Variants in ITPKC observed in about 807,000 individuals in gnomAD.
ITPKC encodes IP3 3-kinase C.
In ITPKC, 33 loss-of-function variants were observed where a neutral mutation model predicts 67.1. The ratio of observed to expected loss-of-function variants is 0.49; its 90% CI spans 0.37 to 0.66. The LOEUF (loss-of-function observed/expected upper bound fraction) is 0.66, where lower values mean the gene tolerates loss of function less well. ITPKC is among the 30% of genes least tolerant of loss of function. The pLI is 0.00. For synonymous variants in ITPKC, 341 were observed against 359.8 expected (o/e 0.95, Z 0.59); for missense variants, 820 against 892.1 (o/e 0.92, Z 1.03).
At chr19:40,721,630 A>G (rs933053644) in intron 1 of ITPKC, among the ~76,000 whole-genome samples, 14 of 151,880 alleles carry the variant, frequency 9.2e-5, no homozygotes, top group African/African-American at 3.1e-4. Flanking sequence ...CAGCCTCCCA[A>G]AGTGCTGGGA....
At chr19:40,725,003 G>A (rs1174230451) in intron 1 of ITPKC, among the ~76,000 whole-genome samples, 1 of 151,764 alleles carries the variant, frequency 6.6e-6, no homozygotes, top group African/African-American at 2.4e-5. Flanking sequence ...AAGATGTAAG[G>A]GTTGTTTGTT....
intron 1 of ITPKC, among the ~76,000 whole-genome samples, chr19:40,718,865 C>T (rs1431881651): frequency 6.6e-6 from 1 of 152,172 alleles, no homozygotes; most frequent in Non-Finnish European, 1.5e-5. Flanking sequence ...CCAAAGGATC[C>T]TTGGCCTAGC....
intron 6 of ITPKC, among the ~76,000 whole-genome samples, chr19:40,739,105 C>T (rs1458946219): frequency 6.6e-6 from 1 of 152,182 alleles, no homozygotes; most frequent in African/African-American, 2.4e-5. Context: ...GTAACTAAAA[C>T]CAAAGAAAAT....
chr19:40,725,104 CAG>C (rs1338021233), intron 1 of ITPKC, among the ~76,000 whole-genome samples: 2 of 152,110 alleles, frequency 1.3e-5, no homozygotes, highest in African/African-American at 2.4e-5. Context: ...AAAGTGATGA[CAG>C]AGGGGAGAAA....
chr19:40,720,532 A>G (rs114888793), intron 1 of ITPKC, among the ~76,000 whole-genome samples: 1,370 of 109,534 alleles, frequency 0.013, 20 homozygotes, highest in African/African-American at 0.043. Flanking sequence ...TCTGTTCCTA[A>G]CTTGTCTCCC....
intron 3 of ITPKC, among the ~76,000 whole-genome samples, chr19:40,732,429 C>T (rs1391900786): frequency 2.0e-5 from 3 of 146,754 alleles, no homozygotes; most frequent in Non-Finnish European, 3.0e-5. Flanking sequence ...ACTCAGGAGG[C>T]TGAGGCAGGA....
chr19:40,738,427 T>TCAA (rs534034440), intron 6 of ITPKC, among the ~76,000 whole-genome samples: 1,867 of 151,648 alleles, frequency 0.012, 33 homozygotes, highest in African/African-American at 0.036. Context: ...AGACTCTGTC[T>TCAA]CAACAACAAC....
Position 40,729,233 on chromosome 19 carries a change from T to C in ITPKC, c.1287T>C (p.Ile429=). The C allele has an allele frequency of 6.2e-7, 1 of 1,614,088 alleles. No homozygotes were observed. The highest frequency in any genetic ancestry group is 1.6e-4 in the Middle Eastern group (1 of 6,062). ...TCCAGGCAGGAGAGGATGGTCGGAT[T>C]CTGAAACGTTTCTGTCAGTGTGAGC... ...GNFQAGEDGR[I]LKRFCQCEQR... is the part of the protein sequence containing the mutation. The change falls in exon 3 of 7, where the codon ATT becomes ATC. Residue 429 remains isoleucine, a synonymous_variant. Transcript: ENST00000263370.
chr19:40,717,705 C>G lies in ITPKC; in HGVS notation c.570C>G (p.Ser190=), dbSNP rs763173275. ...AGACTCAGCCAGAGAGGGTCAAGTC[C>G]TGGGCTGATAACCTCTGGACCCACC... ...GSQTQPERVK[S]WADNLWTHQN... The change falls in exon 1 of 7, where the codon TCC becomes TCG. Residue 190 remains serine, a synonymous_variant. Coordinates refer to ENST00000263370, the MANE Select transcript of ITPKC (RefSeq NM_025194.3). 1.9e-6 allele frequency: 3 copies of G among 1,614,046 alleles called. No individual in the cohort carries two copies. In the Admixed American group the frequency reaches 5.0e-5, roughly 27 times the overall value.
chr19:40,731,683 C>T (rs1346606575), intron 3 of ITPKC, among the ~76,000 whole-genome samples: 1 of 148,926 alleles, frequency 6.7e-6, no homozygotes, highest in Non-Finnish European at 1.5e-5. Flanking sequence ...CCGCCTTGGC[C>T]TCCCAAAGTG....
rs751598267 is a variant in ITPKC at position 40,717,756 on chromosome 19, C to T, written c.621C>T (p.His207=). Residue 207 remains histidine, a synonymous_variant, in exon 1 of 7, where the codon CAC becomes CAT. Coordinates refer to ENST00000263370, the MANE Select transcript of ITPKC (RefSeq NM_025194.3). ...AGAACAGTTCCAGCCTCCAGACTCACCCAGAAGGAGCCTGTCCCTCAAAAG... is the reference window on the plus strand; with the variant it reads ...AGAACAGTTCCAGCCTCCAGACTCATCCAGAAGGAGCCTGTCCCTCAAAAG... ...THQNSSSLQT[H]PEGACPSKEP... is the part of the protein sequence containing the mutation. The T allele has an allele frequency of 5.0e-6, 8 of 1,613,774 alleles. No individual in the cohort carries two copies. The African/African-American group carries it at 1.1e-4, about 22-fold the overall frequency.
chr19:40,724,524 C>CT (rs1384311594), intron 1 of ITPKC, among the ~76,000 whole-genome samples: 1 of 152,138 alleles, frequency 6.6e-6, no homozygotes, highest in Admixed American at 6.6e-5. Flanking sequence ...CTCTGTCTCT[C>CT]TGTCATCACT....
rs1393009306 is a variant in ITPKC, at chr19:40,717,842, A to G, written c.707A>G (p.Asp236Gly). The G allele has an allele frequency of 1.2e-6, 2 of 1,614,038 alleles. No homozygotes were observed. The highest frequency in any genetic ancestry group is 2.2e-5 in the East Asian group (1 of 44,870). Reference protein sequence around the residue: ...LYTDGSRTQQDIEGPWTEPYT... With the variant: ...LYTDGSRTQQGIEGPWTEPYT... ...ACTGATGGCTCCAGGACACAACAGG[A>G]TATTGAAGGTCCCTGGACAGAGCCA... Residue 236 changes from aspartate to glycine, a missense_variant, in exon 1 of 7, where the codon GAT (aspartate) becomes GGT (glycine). Coordinates refer to ENST00000263370, the MANE Select transcript of ITPKC (RefSeq NM_025194.3).
Position 40,718,017 on chromosome 19 carries a change from C to T in ITPKC, c.882C>T (p.Leu294=). ...GSQTAPGTDC[L]LGEPEDGPLE... ...AGACAGCACCTGGGACAGACTGCCT[C>T]TTGGGAGAGCCTGAGGATGGCCCAT... Residue 294 remains leucine (L), a synonymous_variant, in exon 1 of 7, where the codon CTC becomes CTT. Coordinates refer to ENST00000263370, the MANE Select transcript of ITPKC (RefSeq NM_025194.3). 6.2e-7 allele frequency: 1 copy of T among 1,614,182 alleles called. No homozygotes were observed. Among genetic ancestry groups the T allele is most frequent in the Non-Finnish European group, 8.5e-7 (1 of 1,180,024 alleles).
At chr19:40,730,756 CTATT>C (rs967362901) in intron 3 of ITPKC, among the ~76,000 whole-genome samples, 60 of 152,232 alleles carry the variant, frequency 3.9e-4, no homozygotes, top group African/African-American at 1.4e-3. Flanking sequence ...TAGAGACAGG[CTATT>C]TAGGAAAAGC....
At position 40,717,496 on chromosome 19, in the gene ITPKC, C is replaced by T. The variant is rs147197497; in HGVS notation, c.361C>T (p.Arg121Trp). Residue 121 changes from arginine to tryptophan, a missense_variant, in exon 1 of 7, where the codon CGG becomes TGG. This residue lies in a region of ITPKC where 481 missense variants were observed against 470.1 expected (regional missense o/e 1.02). Transcript: ENST00000263370. ...QKTEPDRSSL[R>W]THLEWSWSEL... ...GACGGAGCCAGACAGGTCCAGCCTC[C>T]GGACGCATCTAGAATGGAGCTGGTC... The T allele has an allele frequency of 4.3e-6, 7 of 1,614,076 alleles. No homozygotes were observed. In the African/African-American group the frequency reaches 8.0e-5, roughly 18 times the overall value.
intron 1 of ITPKC, among the ~76,000 whole-genome samples, chr19:40,725,038 C>A (rs1468383110): frequency 6.6e-6 from 1 of 151,852 alleles, no homozygotes; most frequent in African/African-American, 2.4e-5. Flanking sequence ...CCTAGCCTGT[C>A]CTTACTCATA....
chr19:40,739,339 C>T lies in ITPKC; in HGVS notation c.1849-18C>T, dbSNP rs1421619407. 3 of 1,608,414 alleles carry T rather than the reference C, an allele frequency of 1.9e-6. No individual in the cohort carries two copies. The highest frequency in any genetic ancestry group is 2.2e-5 in the East Asian group (1 of 44,850). ...CAGTGCCTGCTCCTCCCTTAACCTC[C>T]CGTCTCTACCCCGGCAGGTGGTAGG... On this transcript the variant is annotated intron_variant, in intron 6 of 6. Coordinates refer to ENST00000263370, the MANE Select transcript of ITPKC (RefSeq NM_025194.3).
At chr19:40,735,022 C>T (rs192108794) in intron 4 of ITPKC, among the ~76,000 whole-genome samples, 55 of 152,256 alleles carry the variant, frequency 3.6e-4, no homozygotes, top group South Asian at 1.0e-3. Flanking sequence ...CCTTGTGATC[C>T]ACCCGCCTTG....
Sources: allele counts gnomAD v4.1 joint callset (sites outside exome capture counted in the v4.1 genomes callset), GRCh38; gene constraint gnomAD v4.1.1; regional missense constraint gnomAD v4.1.1; transcripts MANE v1.5; gene names NCBI Gene and HGNC (gene_info 2026-07-23, HGNC 2026-07-21).